The following MAD1L1 variants were observed in gnomAD, a reference collection of about 807,000 sequenced individuals.
The protein encoded by MAD1L1 is mitotic spindle assembly checkpoint protein MAD1.
MAD1L1 carries 95 observed loss-of-function variants against 96.9 expected under a neutral mutation model. The observed-to-expected ratio is 0.98, with a 90% CI of 0.83 to 1.16. MAD1L1 has a LOEUF of 1.16. MAD1L1 is among the 50% of genes most tolerant of loss of function. The pLI is 0.00. For synonymous variants in MAD1L1, 473 were observed against 396.6 expected (o/e 1.19, Z -2.29); for missense variants, 1,007 against 954.4 (o/e 1.06, Z -0.73).
At position 2,002,099 on chromosome 7, in the gene MAD1L1, T is replaced by G; in HGVS notation, c.1382A>C (p.Glu461Ala). The stretch of plus-strand genomic sequence containing the variant: ...TCTTTGTTTCTGGCCTCCCAGCTCC[T>G]CCAGGGCCTGCGACAGCTGAGCCTG... Reference protein sequence around the residue: ...EMEAQLSQALEELGGQKQRAD... With the variant: ...EMEAQLSQALAELGGQKQRAD... The change falls in exon 14 of 19, where the codon GAG becomes GCG. Residue 461 changes from glutamate (E) to alanine (A), a missense_variant. Transcript: ENST00000265854. 1 of 1,613,228 alleles carries G rather than the reference T, an allele frequency of 6.2e-7. No homozygotes were observed. Among genetic ancestry groups the G allele is most frequent in the Non-Finnish European group, 8.5e-7 (1 of 1,180,012 alleles).
chr7:1,973,435 T>C (rs1780491178), intron 15 of MAD1L1, among the ~76,000 whole-genome samples: 1 of 152,116 alleles, frequency 6.6e-6, no homozygotes, highest in Admixed American at 6.5e-5. Flanking sequence ...AGGTGTGAAC[T>C]GGGCCCCTAG....
intron 16 of MAD1L1, among the ~76,000 whole-genome samples, chr7:1,946,260 G>A (rs117802435): frequency 0.034 from 5,158 of 152,270 alleles, 189 homozygotes; most frequent in Admixed American, 0.097. Flanking sequence ...CCAGGCGTGG[G>A]GAGAAGCCCC....
Position 2,215,862 on chromosome 7 carries a change from C to G in MAD1L1, c.924+23G>C, listed in dbSNP as rs779291731. The G allele has an allele frequency of 1.3e-5, 21 of 1,609,734 alleles. No individual in the cohort carries two copies. The South Asian group carries it at 2.3e-4, about 18-fold the overall frequency. The stretch of plus-strand genomic sequence containing the variant: ...GCAGGGCAGAGGACACCCACAGGAA[C>G]CGCACACCACACAGGCCCTCACCTC... On this transcript the variant is annotated intron_variant, in intron 9 of 18. Coordinates refer to ENST00000265854, the MANE Select transcript of MAD1L1 (RefSeq NM_001013836.2).
rs559945921 is a variant in MAD1L1 at position 2,092,189 on chromosome 7, G to T, written c.1074-22851C>A. Among the ~76,000 whole-genome samples the T allele has an allele frequency of 8.5e-5, 13 of 152,296 alleles. No homozygotes were observed. In the South Asian group the frequency reaches 2.7e-3, roughly 32 times the overall value. ...CTTACAGTTTTTAGCCATTCCCACA[G>T]TGTGTGGCCATGTCTCATGGTTGTA... is the stretch of plus-strand genomic sequence containing the variant. On this transcript the variant is annotated intron_variant, in intron 11 of 18. Coordinates refer to ENST00000265854, the MANE Select transcript of MAD1L1 (RefSeq NM_001013836.2).
chr7:1,927,437 G>A lies in MAD1L1; in HGVS notation c.1807+9250C>T, dbSNP rs115027903. ...TGCTGCTGATTTCGAGACTTACTAC[G>A]AAGCTACAGTAATCAATACCGTGGG... On this transcript the variant is annotated intron_variant, in intron 17 of 18. Transcript: ENST00000265854. 2.4e-3 allele frequency among the ~76,000 whole-genome samples: 366 copies of A among 152,278 alleles called. 2 individuals carry two copies. Among genetic ancestry groups the A allele is most frequent in the African/African-American group, 8.4e-3 (349 of 41,550 alleles).
intron 18 of MAD1L1, chr7:1,848,423 C>T (rs919930418): frequency 6.5e-6 from 1 of 153,286 alleles, no homozygotes; most frequent in African/African-American, 2.4e-5. Context: ...ATGCCGGGCC[C>T]TCATGCTGAA....
At chr7:1,912,259 C>T (rs900818141) in intron 17 of MAD1L1, among the ~76,000 whole-genome samples, 1 of 152,214 alleles carries the variant, frequency 6.6e-6, no homozygotes, top group African/African-American at 2.4e-5. Context: ...GAAGGATGGC[C>T]ATCTGAGAGA....
chr7:1,889,118 CGAT>C (rs1269063427), intron 18 of MAD1L1, among the ~76,000 whole-genome samples: 14 of 152,192 alleles, frequency 9.2e-5, no homozygotes, highest in African/African-American at 3.4e-4. Context: ...TGGGCAGATG[CGAT>C]GATCCTGGCC....
chr7:1,963,732 C>T (rs1426357682), intron 15 of MAD1L1, among the ~76,000 whole-genome samples: 1 of 152,346 alleles, frequency 6.6e-6, no homozygotes, highest in East Asian at 1.9e-4. Flanking sequence ...GTGCGCTGCC[C>T]TCCCTGGGTG....
At chr7:2,124,231 G>A (rs1167414833) in intron 11 of MAD1L1, among the ~76,000 whole-genome samples, 1 of 152,226 alleles carries the variant, frequency 6.6e-6, no homozygotes, top group African/African-American at 2.4e-5. Flanking sequence ...CAAGGGTCGA[G>A]ACATGGAGAG....
intron 17 of MAD1L1, among the ~76,000 whole-genome samples, chr7:1,931,056 C>T (rs554956897): frequency 2.1e-5 from 3 of 140,136 alleles, no homozygotes; most frequent in Admixed American, 8.0e-5. Context: ...CACGGGAACA[C>T]CCCCAACTCC....
chr7:2,028,166 C>T (rs1783064798), intron 12 of MAD1L1, among the ~76,000 whole-genome samples: 1 of 152,126 alleles, frequency 6.6e-6, no homozygotes, highest in Non-Finnish European at 1.5e-5. Context: ...TGACTCACGC[C>T]TGTAATCCCA....
chr7:2,103,481 G>A lies in MAD1L1; in HGVS notation c.1074-34143C>T, dbSNP rs1371274034. On this transcript the variant is annotated intron_variant, in intron 11 of 18. Transcript: ENST00000265854. The surrounding 1 kb of genome is among the most constrained non-coding windows in gnomAD (Gnocchi z 4.3). Reference sequence around the variant, plus strand: ...TACAGCAGTGCAGCAGATCTCACCCGCCCCCGAGGCCACTGCACAGCGGCG... The same window carrying A: ...TACAGCAGTGCAGCAGATCTCACCCACCCCCGAGGCCACTGCACAGCGGCG... 6.6e-6 allele frequency among the ~76,000 whole-genome samples: 1 copy of A among 152,106 alleles called. No homozygotes were observed. Among genetic ancestry groups the A allele is most frequent in the Admixed American group, 6.5e-5 (1 of 15,268 alleles).
At chr7:1,882,701 T>A (rs1412180388) in intron 18 of MAD1L1, among the ~76,000 whole-genome samples, 1 of 152,160 alleles carries the variant, frequency 6.6e-6, no homozygotes. Flanking sequence ...GGGCATGACA[T>A]GGGCTCCAGC....
intron 18 of MAD1L1, among the ~76,000 whole-genome samples, chr7:1,896,125 G>A (rs114960786): frequency 0.017 from 2,515 of 152,310 alleles, 65 homozygotes; most frequent in African/African-American, 0.058. Flanking sequence ...CTCTCTGTCC[G>A]CCTGCCTCCT....
intron 10 of MAD1L1, among the ~76,000 whole-genome samples, chr7:2,161,562 G>A (rs963836369): frequency 5.3e-5 from 8 of 152,000 alleles, no homozygotes; most frequent in Admixed American, 2.0e-4. Flanking sequence ...CTGACCGGCC[G>A]CCCATCGTGT....
chr7:2,078,018 C>G (rs1785461240), intron 11 of MAD1L1, among the ~76,000 whole-genome samples: 1 of 152,224 alleles, frequency 6.6e-6, no homozygotes, highest in South Asian at 2.1e-4. Context: ...TGAGCATGTT[C>G]AGGCATCCAC....
chr7:1,905,737 G>C (rs140962291), intron 17 of MAD1L1, among the ~76,000 whole-genome samples: 221 of 152,306 alleles, frequency 1.5e-3, no homozygotes, highest in African/African-American at 5.1e-3. Flanking sequence ...ACCCCCATCT[G>C]TGTCCTGGGA....
intron 18 of MAD1L1, among the ~76,000 whole-genome samples, chr7:1,822,681 C>T (rs1782189634): frequency 1.3e-5 from 2 of 151,444 alleles, no homozygotes; most frequent in African/African-American, 4.9e-5. Context: ...GCCTTGGCTT[C>T]CCCAAGTGTT....
Sources: gnomAD v4.1 joint callset for allele counts (sites outside exome capture counted in the v4.1 genomes callset) on GRCh38, gnomAD v4.1.1 for gene constraint, Gnocchi (gnomAD v3.1) non-coding constraint, MANE v1.5 for transcripts, NCBI Gene and HGNC (gene_info 2026-07-23, HGNC 2026-07-21) for gene names.